BEND4: variants seen among roughly 807,000 people sequenced by gnomAD.
BEND4 encodes the protein BEN domain-containing protein 4.
BEND4 carries 27 observed loss-of-function variants against 54.7 expected under a neutral mutation model. The observed-to-expected ratio is 0.49, with a 90% CI of 0.36 to 0.68. The LOEUF (loss-of-function observed/expected upper bound fraction) is 0.68. BEND4 is among the 30% of genes least tolerant of loss of function. The probability of loss-of-function intolerance (pLI) is 0.00; values close to 1 mark genes in which losing one functional copy is unlikely to be tolerated. For missense variants in BEND4, 702 were observed against 697.2 expected, an observed-to-expected ratio of 1.01 and a Z score of -0.08; for synonymous variants, 327 against 299.5, an observed-to-expected ratio of 1.09 and a Z score of -0.95.
chr4:42,132,830 A>G lies in BEND4; in HGVS notation c.1055-7156T>C, dbSNP rs542294517. Among the ~76,000 whole-genome samples the G allele has an allele frequency of 7.2e-5, 11 of 152,292 alleles. No individual in the cohort carries two copies. In the East Asian group the frequency reaches 2.1e-3, roughly 29 times the overall value. On this transcript the variant is annotated intron_variant, in intron 3 of 5. Coordinates refer to ENST00000502486, the MANE Select transcript of BEND4 (RefSeq NM_207406.4). ...GCATGTTTTACTCATTCATTTGTCC[A>G]TTCTACAGAACAAAGTCTGATGAAT...
At chr4:42,122,510 G>A (rs1306809516) in intron 4 of BEND4, among the ~76,000 whole-genome samples, 2 of 152,204 alleles carry the variant, frequency 1.3e-5, no homozygotes, top group African/African-American at 2.4e-5. Flanking sequence ...CAGACACCCA[G>A]TAATGGTGGC....
chr4:42,124,322 A>G (rs1369518819), intron 4 of BEND4, among the ~76,000 whole-genome samples: 1 of 152,184 alleles, frequency 6.6e-6, no homozygotes, highest in Non-Finnish European at 1.5e-5. Flanking sequence ...CACTATACTC[A>G]AGCTTGGGCA....
Position 42,151,956 on chromosome 4 carries a change from G to T in BEND4, c.188C>A (p.Ala63Glu). 1 of 1,248,442 alleles carries T rather than the reference G, an allele frequency of 8.0e-7. No individual in the cohort carries two copies. The highest frequency in any genetic ancestry group is 2.7e-4 in the Middle Eastern group (1 of 3,742). The allele number at this position is 1,248,442 out of a possible 1,614,324, so 77.3% of individuals were successfully genotyped here. A position where few individuals can be genotyped will look rare whatever the true frequency, so the allele number is the denominator to read the frequency against. ...RAPPPPPPPF[A>E]PHAAVSISSS... ...GCTGATGGAGACGGCGGCGTGCGGC[G>T]CGAAGGGCGGCGGGGGCGGCGGGGG... The change falls in exon 2 of 6, where the codon GCG becomes GAG. Residue 63 changes from alanine to glutamate, a missense_variant. Coordinates refer to ENST00000502486, the MANE Select transcript of BEND4 (RefSeq NM_207406.4).
At chr4:42,135,046 T>C (rs1199754734) in intron 3 of BEND4, among the ~76,000 whole-genome samples, 1 of 152,134 alleles carries the variant, frequency 6.6e-6, no homozygotes, top group Non-Finnish European at 1.5e-5. Flanking sequence ...TGGCAGTGGG[T>C]GACCTGGGGC....
At chr4:42,127,533 G>GA (rs370255607) in intron 3 of BEND4, among the ~76,000 whole-genome samples, 22 of 152,262 alleles carry the variant, frequency 1.4e-4, no homozygotes, top group African/African-American at 4.6e-4. Flanking sequence ...TTAATTGCTG[G>GA]AAAAAACCCT....
rs1044019589 is a variant in BEND4 at position 42,143,498 on chromosome 4, C to T, written c.984G>A (p.Glu328=). ...GCAGTGAAATAACCTCCTGCTCCAG[C>T]TCTTGGCATCGAGGACAATAGCCTT... is the stretch of plus-strand genomic sequence containing the variant. The part of the protein sequence containing the change: ...DEEGYCPRCQ[E]LEQEVISLQQ... Residue 328 remains glutamate, a synonymous_variant, in exon 3 of 6, where the codon GAG becomes GAA. Coordinates refer to ENST00000502486, the MANE Select transcript of BEND4 (RefSeq NM_207406.4). 6.4e-7 allele frequency: 1 copy of T among 1,552,500 alleles called. No homozygotes were observed. Among genetic ancestry groups the T allele is most frequent in the Non-Finnish European group, 8.7e-7 (1 of 1,147,268 alleles).
chr4:42,122,805 C>T (rs983406284), intron 4 of BEND4, among the ~76,000 whole-genome samples: 1 of 152,160 alleles, frequency 6.6e-6, no homozygotes, highest in African/African-American at 2.4e-5. Flanking sequence ...GCCAGGATTA[C>T]AGCTTTATCT....
At chr4:42,151,339 TC>T in intron 2 of BEND4, 1 of 202,576 alleles carries the variant, frequency 4.9e-6, no homozygotes, top group Non-Finnish European at 8.7e-6. Context: ...GCCGCCGCTA[TC>T]CCCCGGGGGG....
At chr4:42,118,448 G>A (rs768326938) in intron 5 of BEND4, among the ~76,000 whole-genome samples, 4 of 152,252 alleles carry the variant, frequency 2.6e-5, no homozygotes, top group Admixed American at 1.3e-4. Context: ...AACCAAAAGC[G>A]GGATGGAGGT....
rs758905810 is a variant in BEND4, at chr4:42,125,557, C to T, written c.1146+26G>A. ...ATACTTAAGAGAATTCCAAATGGAACATTCACCTTTTTACCAGAGACCTAC... is the reference window on the plus strand; with the variant it reads ...ATACTTAAGAGAATTCCAAATGGAATATTCACCTTTTTACCAGAGACCTAC... On this transcript the variant is annotated intron_variant, in intron 4 of 5. Transcript: ENST00000502486. 1.2e-5 allele frequency: 18 copies of T among 1,546,496 alleles called. No homozygotes were observed. In the East Asian group the frequency reaches 1.8e-4, roughly 15 times the overall value.
At chr4:42,137,705 A>C (rs1407672152) in intron 3 of BEND4, among the ~76,000 whole-genome samples, 1 of 152,218 alleles carries the variant, frequency 6.6e-6, no homozygotes, top group Non-Finnish European at 1.5e-5. Context: ...TCTGAAAAAA[A>C]AATTTTGCAA....
At position 42,116,878 on chromosome 4, in the gene BEND4, T is replaced by G. The variant is rs1719859301; in HGVS notation, c.*640A>C. 1 of 152,180 alleles carries G rather than the reference T, an allele frequency of 6.6e-6. No homozygotes were observed. The allele number at this position is 152,180 out of a possible 1,614,324, so 9.4% of individuals were successfully genotyped here. A position where few individuals can be genotyped will look rare whatever the true frequency, so the allele number is the denominator to read the frequency against. On this transcript the variant is annotated 3_prime_UTR_variant, in exon 6 of 6. Transcript: ENST00000502486. ...GACTACTGTTTGTAAACTCCAGAGA[T>G]CAAATAGTGCCTTCTTGATCAACAC...
intron 4 of BEND4, among the ~76,000 whole-genome samples, chr4:42,124,344 C>T (rs769956347): frequency 3.3e-5 from 5 of 152,062 alleles, no homozygotes; most frequent in Non-Finnish European, 5.9e-5. Context: ...GAAAGCGAGA[C>T]CCTGTCTCAA....
At chr4:42,129,457 C>T (rs970731993) in intron 3 of BEND4, among the ~76,000 whole-genome samples, 1 of 152,052 alleles carries the variant, frequency 6.6e-6, no homozygotes, top group African/African-American at 2.4e-5. Flanking sequence ...AAAAAAGAGC[C>T]CATATAGCCA....
In BEND4 at chr4:42,116,115, C is replaced by A. The variant is rs1719819332; in HGVS notation, c.*1403G>T. 6.6e-6 allele frequency: 1 copy of A among 152,132 alleles called. No homozygotes were observed. Among genetic ancestry groups the A allele is most frequent in the African/African-American group, 2.4e-5 (1 of 41,428 alleles). The allele number at this position is 152,132 out of a possible 1,614,324, so 9.4% of individuals were successfully genotyped here. ...TATGTTGACAAAAATAGCCCAAAAA[C>A]CCTTTATCAATGGATGCTCATTAAC... On this transcript the variant is annotated 3_prime_UTR_variant, in exon 6 of 6. Coordinates refer to ENST00000502486, the MANE Select transcript of BEND4 (RefSeq NM_207406.4).
At chr4:42,149,882 G>A (rs1366624079) in intron 2 of BEND4, among the ~76,000 whole-genome samples, 2 of 151,840 alleles carry the variant, frequency 1.3e-5, no homozygotes, top group East Asian at 3.9e-4. Flanking sequence ...AATGAGAAGG[G>A]GGTAAATTTA....
rs1485176123 is a variant in BEND4 at position 42,132,580 on chromosome 4, G to T, written c.1055-6906C>A. On this transcript the variant is annotated intron_variant, in intron 3 of 5. Coordinates refer to ENST00000502486, the MANE Select transcript of BEND4 (RefSeq NM_207406.4). ...TTGCCTCAGCCTCCCAAGTAGCTGGGATTACAGGCGTCCGCCACCATGCCC... is the reference window on the plus strand; with the variant it reads ...TTGCCTCAGCCTCCCAAGTAGCTGGTATTACAGGCGTCCGCCACCATGCCC... 2.0e-5 allele frequency among the ~76,000 whole-genome samples: 3 copies of T among 152,042 alleles called. No homozygotes were observed. In the East Asian group the frequency reaches 5.8e-4, roughly 29 times the overall value.
At position 42,143,906 on chromosome 4, in the gene BEND4, G is replaced by C; in HGVS notation, c.576C>G (p.Asn192Lys). The part of the protein sequence containing the change: ...LNCGGKLLDS[N>K]HSQSMISCVK... ...CGCAAGAAATCATGGACTGAGAATG[G>C]TTGGAGTCCAGGAGTTTTCCTCCAC... The change falls in exon 3 of 6, where the codon AAC becomes AAG. Residue 192 changes from asparagine to lysine, a missense_variant. Transcript: ENST00000502486. 3 of 1,539,718 alleles carry C rather than the reference G, an allele frequency of 1.9e-6. No homozygotes were observed. The highest frequency in any genetic ancestry group is 2.6e-6 in the Non-Finnish European group (3 of 1,146,900).
intron 4 of BEND4, among the ~76,000 whole-genome samples, chr4:42,120,568 G>A (rs1720017587): frequency 6.6e-6 from 1 of 152,156 alleles, no homozygotes; most frequent in Non-Finnish European, 1.5e-5. Flanking sequence ...GTTAAAATGT[G>A]TCAAGATCCA....
Sources: allele counts gnomAD v4.1 joint callset (sites outside exome capture counted in the v4.1 genomes callset), GRCh38; gene constraint gnomAD v4.1.1; transcripts MANE v1.5; gene names NCBI Gene and HGNC (gene_info 2026-07-23, HGNC 2026-07-21).